BCKDHB: variants seen among roughly 807,000 people sequenced by gnomAD.
BCKDHB encodes branched chain keto acid dehydrogenase E1 subunit beta.
Under a neutral mutation model 48.5 loss-of-function variants are expected in BCKDHB, and 41 were observed. The ratio of observed to expected loss-of-function variants is 0.85; its 90% CI spans 0.66 to 1.10. BCKDHB has a LOEUF of 1.10. BCKDHB is among the 50% of genes least tolerant of loss of function. The pLI, the probability that BCKDHB is intolerant of heterozygous loss-of-function variation, is 0.00. For missense variants in BCKDHB, 496 were observed against 494.2 expected, an observed-to-expected ratio of 1.00 and a Z score of -0.03; for synonymous variants, 201 against 174.8, an observed-to-expected ratio of 1.15 and a Z score of -1.18.
intron 9 of BCKDHB, among the ~76,000 whole-genome samples, chr6:80,314,305 C>T (rs1014607316): frequency 5.3e-5 from 8 of 152,186 alleles, no homozygotes; most frequent in Admixed American, 2.6e-4. Flanking sequence ...GAACTGGGAT[C>T]AGGGTCCCAC....
chr6:80,282,737 C>T (rs1344341642), intron 9 of BCKDHB, among the ~76,000 whole-genome samples: 1 of 151,908 alleles, frequency 6.6e-6, no homozygotes, highest in Non-Finnish European at 1.5e-5. Flanking sequence ...GGAAAAGAAA[C>T]TTGCACTATA....
rs1771658153 is a variant in BCKDHB at position 80,149,554 on chromosome 6, A to G, written c.344-18124A>G. Among the ~76,000 whole-genome samples the G allele has an allele frequency of 6.6e-5, 10 of 151,868 alleles. No individual in the cohort carries two copies. The South Asian group carries it at 1.9e-3, about 29-fold the overall frequency. ...TTCACACACATGCAGCACTATTCACAATAGCAAAGACTTGGAACCAACCCA... is the reference window on the plus strand; with the variant it reads ...TTCACACACATGCAGCACTATTCACGATAGCAAAGACTTGGAACCAACCCA... On this transcript the variant is annotated intron_variant, in intron 3 of 9. Coordinates refer to ENST00000320393, the MANE Select transcript of BCKDHB (RefSeq NM_183050.4).
At chr6:80,301,639 C>T (rs1389583010) in intron 9 of BCKDHB, among the ~76,000 whole-genome samples, 4 of 152,138 alleles carry the variant, frequency 2.6e-5, no homozygotes, top group Non-Finnish European at 4.4e-5. Context: ...AGGGGCTTCT[C>T]CCTAACTAAT....
At chr6:80,310,222 T>C (rs1392521152) in intron 9 of BCKDHB, among the ~76,000 whole-genome samples, 1 of 152,176 alleles carries the variant, frequency 6.6e-6, no homozygotes, top group Non-Finnish European at 1.5e-5. Flanking sequence ...CCAGCATCTA[T>C]TAGCTATTCT....
chr6:80,362,014 A>G, the BCKDHB span, among the ~76,000 whole-genome samples: 1 of 152,132 alleles, frequency 6.6e-6, no homozygotes, highest in Non-Finnish European at 1.5e-5. Flanking sequence ...TTATTTAGAT[A>G]TACCATCTGT....
the BCKDHB span, among the ~76,000 whole-genome samples, chr6:80,458,227 G>A: frequency 6.6e-6 from 1 of 152,142 alleles, no homozygotes; most frequent in Admixed American, 6.5e-5. Context: ...TCAAAGGAAG[G>A]CTTCACTTAT....
Position 80,322,238 on chromosome 6 carries a change from C to CTTT in BCKDHB, c.1039-21411_1039-21409dup, listed in dbSNP as rs776940885. ...CATAGGCGTTTTCTTTCTTTCTTTT[C>CTTT]TTTTTTTTTTTTTTTTTGGTGACGG... is the stretch of plus-strand genomic sequence containing the variant. On this transcript the variant is annotated intron_variant, in intron 9 of 9. Coordinates refer to ENST00000320393, the MANE Select transcript of BCKDHB (RefSeq NM_183050.4). 2.3e-4 allele frequency among the ~76,000 whole-genome samples: 27 copies of CTTT among 116,622 alleles called. 1 individual carries two copies. The highest frequency in any genetic ancestry group is 3.2e-4 in the Non-Finnish European group (19 of 59,470). The allele number at this position is 116,622 out of a possible 152,430, so 76.5% of individuals were successfully genotyped here.
At chr6:80,319,789 T>C (rs1446759881) in intron 9 of BCKDHB, among the ~76,000 whole-genome samples, 1 of 152,200 alleles carries the variant, frequency 6.6e-6, no homozygotes, top group Non-Finnish European at 1.5e-5. Context: ...TTTTTCTCTC[T>C]GATTAAGGTG....
intron 8 of BCKDHB, among the ~76,000 whole-genome samples, chr6:80,206,810 AAG>A (rs1774687201): frequency 6.6e-6 from 1 of 151,990 alleles, no homozygotes; most frequent in African/African-American, 2.4e-5. Flanking sequence ...CCAGAAAAAG[AAG>A]AGAGAGAAAA....
chr6:80,311,304 C>G (rs1268329102), intron 9 of BCKDHB, among the ~76,000 whole-genome samples: 1 of 152,106 alleles, frequency 6.6e-6, no homozygotes, highest in Non-Finnish European at 1.5e-5. Context: ...TGTAAATTGC[C>G]CAGTCTCGGG....
chr6:80,335,282 A>T (rs919615962), intron 9 of BCKDHB, among the ~76,000 whole-genome samples: 18 of 151,598 alleles, frequency 1.2e-4, no homozygotes, highest in Non-Finnish European at 2.4e-4. Flanking sequence ...GATCATCAAA[A>T]GCCACTTTTC....
intron 5 of BCKDHB, chr6:80,169,998 C>T (rs1423305172): frequency 8.4e-7 from 1 of 1,187,274 alleles, no homozygotes; most frequent in African/African-American, 1.6e-5. Flanking sequence ...CTGTCTGTCC[C>T]CTGCCTTCTC....
rs115804219 is a variant in BCKDHB, at chr6:80,209,011, A to T, written c.951+5799A>T. On this transcript the variant is annotated intron_variant, in intron 8 of 9. Transcript: ENST00000320393. ...TGTAGAGCACATAATGTTCATAAAT[A>T]TTCACAAAGCAGTTGATACAATTCC... Among the ~76,000 whole-genome samples the T allele has an allele frequency of 9.1e-3, 1,387 of 152,070 alleles. 27 individuals are homozygous for T. The highest frequency in any genetic ancestry group is 0.031 in the African/African-American group (1,297 of 41,550).
At chr6:80,150,548 A>ATT (rs1771720610) in intron 3 of BCKDHB, among the ~76,000 whole-genome samples, 1 of 127,182 alleles carries the variant, frequency 7.9e-6, no homozygotes. Context: ...CAAGTTTGTC[A>ATT]TCTTTTTTTT....
intron 3 of BCKDHB, among the ~76,000 whole-genome samples, chr6:80,160,093 C>G (rs2127764708): frequency 6.6e-6 from 1 of 152,308 alleles, no homozygotes; most frequent in South Asian, 2.1e-4. Flanking sequence ...TGTCTAGGGA[C>G]AGAAGAAACA....
At chr6:80,362,536 G>A in the BCKDHB span, among the ~76,000 whole-genome samples, 1 of 152,090 alleles carries the variant, frequency 6.6e-6, no homozygotes, top group Non-Finnish European at 1.5e-5. Flanking sequence ...TGGCTTCTCT[G>A]GGGGACTCAT....
At chr6:80,300,712 A>T (rs987125547) in intron 9 of BCKDHB, among the ~76,000 whole-genome samples, 1 of 152,204 alleles carries the variant, frequency 6.6e-6, no homozygotes, top group Non-Finnish European at 1.5e-5. Flanking sequence ...TATTATTTTC[A>T]TGTGCATGTG....
chr6:80,352,233 C>T, the BCKDHB span, among the ~76,000 whole-genome samples: 45,843 of 151,580 alleles, frequency 0.3, 7,071 homozygotes, highest in Middle Eastern at 0.34. Context: ...CCTGTCTCTG[C>T]GTCCAAAATG....
the BCKDHB span, among the ~76,000 whole-genome samples, chr6:80,409,574 GCATA>G: frequency 4.3e-5 from 2 of 46,940 alleles, no homozygotes; most frequent in Non-Finnish European, 8.3e-5. Flanking sequence ...TGTATTGGTT[GCATA>G]TATATATATA....
Sources: gnomAD v4.1 joint callset for allele counts (sites outside exome capture counted in the v4.1 genomes callset) on GRCh38, gnomAD v4.1.1 for gene constraint, MANE v1.5 for transcripts, NCBI Gene and HGNC (gene_info 2026-07-23, HGNC 2026-07-21) for gene names.